The following TEX11 variants were observed in gnomAD, a reference collection of about 807,000 sequenced individuals.
TEX11 encodes the protein testis expressed 11.
TEX11 carries 7 observed loss-of-function variants against 84.4 expected under a neutral mutation model. The ratio of observed to expected loss-of-function variants is 0.08; its 90% CI spans 0.05 to 0.16. The LOEUF is 0.16. Ranked by LOEUF, TEX11 falls within the 10% of genes least tolerant of loss-of-function variation. TEX11 has a pLI of 1.00. For missense variants in TEX11, 551 were observed against 660.5 expected, an observed-to-expected ratio of 0.83 and a Z score of 1.82; for synonymous variants, 264 against 222.8, an observed-to-expected ratio of 1.18 and a Z score of -1.64.
At chrX:70,555,498 A>G (rs1193993361) in intron 25 of TEX11, among the ~76,000 whole-genome samples, 1 of 112,406 alleles carries the variant, frequency 8.9e-6, no homozygotes, top group East Asian at 2.8e-4. Flanking sequence ...CTAGATTGTG[A>G]TAACAAACAC....
chrX:70,802,643 G>A (rs1435763366), intron 9 of TEX11, among the ~76,000 whole-genome samples: 1 of 111,314 alleles, frequency 9.0e-6, no homozygotes, highest in East Asian at 2.8e-4. Context: ...TAGGTCAGCA[G>A]TGCCAAGGAA....
At position 70,671,492 on chromosome X, in the gene TEX11, C is replaced by T. The variant is rs1368825292; in HGVS notation, c.1243-978G>A. Among the ~76,000 whole-genome samples, 7 of 111,027 alleles carry T rather than the reference C, an allele frequency of 6.3e-5. No individual in the cohort carries two copies. The East Asian group carries it at 2.0e-3, about 31-fold the overall frequency. On this transcript the variant is annotated intron_variant, in intron 15 of 29. Coordinates refer to ENST00000374333, the MANE Select transcript of TEX11 (RefSeq NM_031276.3). Reference sequence around the variant, plus strand: ...CAATTAGAAATAAGATTACATTCCTCTCCAGTGTTGGAAGTGGATGTTTTA... The same window carrying T: ...CAATTAGAAATAAGATTACATTCCTTTCCAGTGTTGGAAGTGGATGTTTTA...
In TEX11 at chrX:70,638,055, G is replaced by A. The variant is rs773191864; in HGVS notation, c.1484-8320C>T. On this transcript the variant is annotated intron_variant, in intron 17 of 29. Transcript: ENST00000374333. ...AGTTCAATAAGGAGAAAAGAGATAT[G>A]AAGGTCTGGAAAACACATTTCAATC... Among the ~76,000 whole-genome samples, 5 of 110,990 alleles carry A rather than the reference G, an allele frequency of 4.5e-5. No homozygotes were observed. The South Asian group carries it at 1.9e-3, about 42-fold the overall frequency.
At chrX:70,827,717 G>A (rs1203193279) in intron 8 of TEX11, among the ~76,000 whole-genome samples, 1 of 112,097 alleles carries the variant, frequency 8.9e-6, no homozygotes, top group Non-Finnish European at 1.9e-5. Flanking sequence ...CTTAACTGCA[G>A]TAGAATAAAA....
chrX:70,855,932 T>C (rs988174731), intron 5 of TEX11, among the ~76,000 whole-genome samples: 2 of 111,626 alleles, frequency 1.8e-5, no homozygotes, highest in African/African-American at 6.5e-5. Flanking sequence ...TGTGGGAAAA[T>C]AAATATCTGT....
At chrX:70,690,243 T>C (rs1044643768) in intron 13 of TEX11, among the ~76,000 whole-genome samples, 3 of 111,725 alleles carry the variant, frequency 2.7e-5, no homozygotes, top group Non-Finnish European at 3.8e-5. Flanking sequence ...TAACCATTGA[T>C]TTTAGGTTAA....
At chrX:70,511,950 G>A in the TEX11 span, among the ~76,000 whole-genome samples, 1 of 105,421 alleles carries the variant, frequency 9.5e-6, no homozygotes, top group Non-Finnish European at 1.9e-5. Context: ...CCACTCCTAA[G>A]CTCAAACTCC....
chrX:70,839,270 C>G (rs1180682498), intron 7 of TEX11, among the ~76,000 whole-genome samples: 2 of 111,490 alleles, frequency 1.8e-5, no homozygotes, highest in African/African-American at 6.5e-5. Context: ...CTCACACGGC[C>G]GGGTACCCCT....
At chrX:70,651,793 A>G (rs1323199171) in intron 16 of TEX11, among the ~76,000 whole-genome samples, 1 of 111,853 alleles carries the variant, frequency 8.9e-6, no homozygotes, top group Non-Finnish European at 1.9e-5. Flanking sequence ...ACAACCAAAA[A>G]TATTGGATGA....
At chrX:70,877,155 G>A (rs1314762904) in intron 3 of TEX11, among the ~76,000 whole-genome samples, 1 of 110,189 alleles carries the variant, frequency 9.1e-6, no homozygotes, top group Non-Finnish European at 1.9e-5. Context: ...TTAGCCAGGT[G>A]TGGTGGCGCC....
chrX:70,570,838 G>T (rs942338112), intron 25 of TEX11, among the ~76,000 whole-genome samples: 1 of 111,552 alleles, frequency 9.0e-6, no homozygotes, highest in Non-Finnish European at 1.9e-5. Context: ...GCATAAAGTT[G>T]TTCACAATAT....
intron 25 of TEX11, among the ~76,000 whole-genome samples, chrX:70,569,728 G>A (rs761415987): frequency 5.4e-5 from 6 of 111,535 alleles, no homozygotes; most frequent in South Asian, 3.8e-4. Flanking sequence ...GCGGATTTTC[G>A]TGAACCGCAA....
At chrX:70,513,474 T>C in the TEX11 span, among the ~76,000 whole-genome samples, 2 of 106,276 alleles carry the variant, frequency 1.9e-5, no homozygotes, top group Non-Finnish European at 3.9e-5. Flanking sequence ...CCTTTTGAGA[T>C]GGAATTTTAA....
intron 9 of TEX11, among the ~76,000 whole-genome samples, chrX:70,770,649 A>G (rs1315157397): frequency 8.9e-6 from 1 of 111,893 alleles, no homozygotes; most frequent in Non-Finnish European, 1.9e-5. Context: ...GATGTTTTAC[A>G]AAGTATATAA....
At chrX:70,606,531 C>CT in intron 23 of TEX11, among the ~76,000 whole-genome samples, 1 of 112,099 alleles carries the variant, frequency 8.9e-6, no homozygotes, top group Non-Finnish European at 1.9e-5. Context: ...CTTCTTATCT[C>CT]TTTTTTCAGC....
chrX:70,882,195 T>A (rs2091687153), intron 2 of TEX11, among the ~76,000 whole-genome samples: 1 of 111,265 alleles, frequency 9.0e-6, no homozygotes, highest in Non-Finnish European at 1.9e-5. Flanking sequence ...ACTCAAAATA[T>A]TGGTAACAGA....
chrX:70,903,145 G>GCCTGGCCTTGGTCTTGAA (rs2091812251), intron 2 of TEX11, among the ~76,000 whole-genome samples: 3 of 107,056 alleles, frequency 2.8e-5, no homozygotes, highest in African/African-American at 6.9e-5. Flanking sequence ...CCTCCTGAAG[G>GCCTGGCCTTGGTCTTGAA]AACTGCCTGA....
chrX:70,751,690 A>G (rs181280193), intron 9 of TEX11, among the ~76,000 whole-genome samples: 10 of 112,046 alleles, frequency 8.9e-5, no homozygotes, highest in Non-Finnish European at 3.8e-5. Context: ...TAGAAAAGCT[A>G]TCTTTCAAAA....
intron 8 of TEX11, among the ~76,000 whole-genome samples, chrX:70,827,314 C>G (rs1197794967): frequency 1.8e-5 from 2 of 111,805 alleles, no homozygotes; most frequent in Admixed American, 9.5e-5. Context: ...GAAGTGCTGG[C>G]TTCAGGGGAC....
Sources: gnomAD v4.1 joint callset for allele counts (sites outside exome capture counted in the v4.1 genomes callset) on GRCh38, gnomAD v4.1.1 for gene constraint, MANE v1.5 for transcripts, NCBI Gene and HGNC (gene_info 2026-07-23, HGNC 2026-07-21) for gene names.